TMTC2: variants seen among roughly 807,000 people sequenced by gnomAD.
The protein encoded by TMTC2 is transmembrane O-mannosyltransferase targeting cadherins 2.
In TMTC2, 43 loss-of-function variants were observed where a neutral mutation model predicts 82.4. That is an observed-to-expected ratio of 0.52 (90% CI 0.41 to 0.67). The LOEUF (loss-of-function observed/expected upper bound fraction) is 0.67, where lower values mean the gene tolerates loss of function less well. Ranked by LOEUF, TMTC2 falls within the 30% of genes least tolerant of loss-of-function variation. TMTC2 has a pLI of 0.00. For missense variants in TMTC2, 919 were observed against 1,012.4 expected, an observed-to-expected ratio of 0.91 and a Z score of 1.25; for synonymous variants, 408 against 381.9, an observed-to-expected ratio of 1.07 and a Z score of -0.80.
intron 1 of TMTC2, among the ~76,000 whole-genome samples, chr12:82,706,283 C>T (rs1873348716): frequency 7.1e-6 from 1 of 140,334 alleles, no homozygotes; most frequent in African/African-American, 2.7e-5. Context: ...TGCCACTGCA[C>T]TCCAGCCTGG....
At chr12:82,949,493 T>C (rs1031492469) in intron 4 of TMTC2, among the ~76,000 whole-genome samples, 2 of 152,176 alleles carry the variant, frequency 1.3e-5, no homozygotes, top group Admixed American at 6.5e-5. Flanking sequence ...ATTTTTTAAA[T>C]TAAATTATCT....
In TMTC2 at chr12:82,933,939, A is replaced by G. The variant is rs61931385; in HGVS notation, c.1598+3394A>G. On this transcript the variant is annotated intron_variant, in intron 4 of 11. Transcript: ENST00000321196. The stretch of plus-strand genomic sequence containing the variant: ...CAGCTTTTTTCAGGAATGAAATCAA[A>G]TTATATCCAAGAGGTATATACAAAG... Among the ~76,000 whole-genome samples the G allele has an allele frequency of 4.2e-3, 641 of 152,354 alleles. 4 individuals carry two copies. The highest frequency in any genetic ancestry group is 7.6e-3 in the Non-Finnish European group (519 of 68,030).
At chr12:83,112,992 G>A (rs1448935232) in intron 11 of TMTC2, among the ~76,000 whole-genome samples, 1 of 152,056 alleles carries the variant, frequency 6.6e-6, no homozygotes, top group Non-Finnish European at 1.5e-5. Context: ...TTAATCATTG[G>A]GTTTGAAATA....
At chr12:83,042,625 GCTT>G (rs1360321389) in intron 9 of TMTC2, among the ~76,000 whole-genome samples, 2 of 151,808 alleles carry the variant, frequency 1.3e-5, no homozygotes, top group African/African-American at 4.8e-5. Flanking sequence ...CAGTCTCCCC[GCTT>G]CTTCTTAGCC....
chr12:82,936,058 A>C (rs1389214240), intron 4 of TMTC2, among the ~76,000 whole-genome samples: 2 of 152,042 alleles, frequency 1.3e-5, no homozygotes, highest in Non-Finnish European at 2.9e-5. Flanking sequence ...GACTGAGAAA[A>C]GTTATAACTG....
At chr12:82,991,959 A>G (rs1483292688) in intron 8 of TMTC2, among the ~76,000 whole-genome samples, 1 of 152,250 alleles carries the variant, frequency 6.6e-6, no homozygotes, top group Non-Finnish European at 1.5e-5. Context: ...AGTAAAAGTT[A>G]CTTGGCTGTT....
intron 8 of TMTC2, among the ~76,000 whole-genome samples, chr12:83,018,012 A>AAT (rs565363242): frequency 2.7e-3 from 349 of 129,118 alleles, no homozygotes; most frequent in African/African-American, 7.5e-3. Context: ...TCATATATAT[A>AAT]ATATATATAT....
At chr12:83,038,029 T>C (rs1352655203) in intron 9 of TMTC2, among the ~76,000 whole-genome samples, 3 of 150,528 alleles carry the variant, frequency 2.0e-5, no homozygotes, top group African/African-American at 7.3e-5. Context: ...CAGCAAACTA[T>C]CGCAAGGACA....
chr12:83,128,566 A>C (rs995834118), intron 11 of TMTC2, among the ~76,000 whole-genome samples: 1 of 152,174 alleles, frequency 6.6e-6, no homozygotes. Context: ...GAAGCTGTGA[A>C]ATGATATAAT....
chr12:83,124,377 A>G (rs1271035141), intron 11 of TMTC2, among the ~76,000 whole-genome samples: 1 of 152,154 alleles, frequency 6.6e-6, no homozygotes, highest in Non-Finnish European at 1.5e-5. Flanking sequence ...TTTATATGGC[A>G]AAGCTTAGCA....
intron 1 of TMTC2, among the ~76,000 whole-genome samples, chr12:82,816,415 C>CCCT (rs1868727009): frequency 1.3e-5 from 2 of 151,964 alleles, no homozygotes; most frequent in African/African-American, 2.4e-5. Context: ...GCTCCGTTAA[C>CCCT]ACTTGTTAAT....
intron 8 of TMTC2, among the ~76,000 whole-genome samples, chr12:83,019,558 A>C (rs571006380): frequency 6.6e-6 from 1 of 152,130 alleles, no homozygotes; most frequent in South Asian, 2.1e-4. Flanking sequence ...AAAGTAGGCC[A>C]ATCTCAACAA....
chr12:82,876,074 G>A (rs1565788811), intron 2 of TMTC2, among the ~76,000 whole-genome samples: 12 of 116,374 alleles, frequency 1.0e-4, no homozygotes, highest in Non-Finnish European at 1.6e-4. Context: ...TGGTGATGAT[G>A]ATGATGGTGA....
intron 3 of TMTC2, among the ~76,000 whole-genome samples, chr12:82,918,361 T>C (rs1420535433): frequency 6.6e-6 from 1 of 152,256 alleles, no homozygotes; most frequent in Non-Finnish European, 1.5e-5. Context: ...AGTAACACTT[T>C]GATTTCAAAC....
chr12:82,863,877 A>G (rs1218397962), intron 2 of TMTC2, among the ~76,000 whole-genome samples: 1 of 152,146 alleles, frequency 6.6e-6, no homozygotes, highest in Non-Finnish European at 1.5e-5. Context: ...GTAAATATAG[A>G]ATTGAAATTC....
intron 1 of TMTC2, among the ~76,000 whole-genome samples, chr12:82,726,752 G>A (rs113000542): frequency 0.038 from 5,823 of 151,876 alleles, 214 homozygotes; most frequent in East Asian, 0.12. Context: ...GTTGGTGGGC[G>A]CCTGTAGTCC....
intron 4 of TMTC2, among the ~76,000 whole-genome samples, chr12:82,936,392 GACA>G (rs1028360776): frequency 4.6e-5 from 7 of 151,424 alleles, no homozygotes; most frequent in Non-Finnish European, 8.9e-5. Context: ...CACACACAAG[GACA>G]ACAACAACAA....
chr12:83,028,707 T>C (rs11115550), intron 8 of TMTC2, among the ~76,000 whole-genome samples: 90,012 of 151,982 alleles, frequency 0.59, 27,190 homozygotes, highest in South Asian at 0.73. Context: ...GTGTGGGAGC[T>C]GTTCTGCTTC....
At chr12:82,725,922 A>G (rs999172823) in intron 1 of TMTC2, among the ~76,000 whole-genome samples, 3 of 152,168 alleles carry the variant, frequency 2.0e-5, no homozygotes, top group Non-Finnish European at 4.4e-5. Flanking sequence ...GAGGTGACAA[A>G]TGTTTCCCTT....
Sources: gnomAD v4.1 joint callset for allele counts (sites outside exome capture counted in the v4.1 genomes callset) on GRCh38, gnomAD v4.1.1 for gene constraint, MANE v1.5 for transcripts, NCBI Gene and HGNC (gene_info 2026-07-23, HGNC 2026-07-21) for gene names.